Variants in ARHGAP10 observed in about 807,000 individuals in gnomAD.
ARHGAP10 encodes Rho GTPase activating protein 10, also known as rho GTPase-activating protein 10.
In ARHGAP10, 87 loss-of-function variants were observed where a neutral mutation model predicts 108.6. The observed-to-expected ratio is 0.80, with a 90% confidence interval of 0.67 to 0.96. ARHGAP10 has a LOEUF of 0.96. Among genes scored for constraint, ARHGAP10 ranks in the 40% least tolerant of loss-of-function variants. The probability of loss-of-function intolerance (pLI) is 0.00; values close to 1 mark genes in which losing one functional copy is unlikely to be tolerated. For missense variants in ARHGAP10, 939 were observed against 954.5 expected (o/e 0.98, Z 0.21); for synonymous variants, 347 against 341.1 (o/e 1.02, Z -0.19).
intron 10 of ARHGAP10, among the ~76,000 whole-genome samples, chr4:147,897,711 A>T (rs1012272032): frequency 2.3e-4 from 35 of 152,202 alleles, no homozygotes; most frequent in Non-Finnish European, 2.8e-4. Flanking sequence ...TGGGAATTAC[A>T]TAGCATTTGA....
At chr4:148,037,963 T>G (rs1218203813) in intron 19 of ARHGAP10, among the ~76,000 whole-genome samples, 2 of 152,146 alleles carry the variant, frequency 1.3e-5, no homozygotes, top group African/African-American at 4.8e-5. Context: ...CAGATTTAAC[T>G]TTATTTATAT....
intron 19 of ARHGAP10, among the ~76,000 whole-genome samples, chr4:148,043,649 A>ATT (rs1728738703): frequency 8.7e-6 from 1 of 114,516 alleles, no homozygotes; most frequent in Non-Finnish European, 1.8e-5. Context: ...ATATATATAT[A>ATT]TATTTTAGGT....
intron 22 of ARHGAP10, among the ~76,000 whole-genome samples, chr4:148,071,578 C>T (rs755055326): frequency 7.9e-5 from 12 of 151,990 alleles, no homozygotes; most frequent in Non-Finnish European, 1.3e-4. Flanking sequence ...ATCGCGCCAC[C>T]GCACTCCAGC....
intron 3 of ARHGAP10, among the ~76,000 whole-genome samples, chr4:147,841,246 AC>A (rs1204517862): frequency 6.6e-6 from 1 of 152,118 alleles, no homozygotes; most frequent in African/African-American, 2.4e-5. Context: ...GCTATCCAAA[AC>A]CCTTTCCAAG....
intron 19 of ARHGAP10, among the ~76,000 whole-genome samples, chr4:148,041,273 T>G (rs907563894): frequency 1.3e-5 from 2 of 152,246 alleles, no homozygotes; most frequent in African/African-American, 4.8e-5. Flanking sequence ...AGAAACTGTC[T>G]GTGATTTTAT....
intron 1 of ARHGAP10, among the ~76,000 whole-genome samples, chr4:147,771,579 G>T (rs1202321261): frequency 1.3e-5 from 2 of 152,168 alleles, no homozygotes; most frequent in Non-Finnish European, 2.9e-5. Context: ...GTGTTGTGTT[G>T]TTGTGAGGAT....
At position 147,935,583 on chromosome 4, in the gene ARHGAP10, T is replaced by C. The variant is rs569897162; in HGVS notation, c.1229-4242T>C. On this transcript the variant is annotated intron_variant, in intron 13 of 22. Transcript: ENST00000336498. ...TGATCCCTTTGGTTGACAGGGAAAT[T>C]TGGAAAAGAAGCTGGAAAAGGACAT... 1.8e-4 allele frequency among the ~76,000 whole-genome samples: 28 copies of C among 152,306 alleles called. No individual in the cohort carries two copies. In the South Asian group the frequency reaches 2.9e-3, roughly 16 times the overall value.
intron 11 of ARHGAP10, 62 bp downstream of exon 11, chr4:147,906,781 T>A: frequency 6.3e-7 from 1 of 1,585,258 alleles, no homozygotes; most frequent in African/African-American, 1.3e-5. Context: ...GCATTCATTT[T>A]TATGTTATTT....
chr4:148,065,433 A>G (rs1186384365), intron 22 of ARHGAP10: 3 of 152,230 alleles, frequency 2.0e-5, no homozygotes, highest in Non-Finnish European at 4.4e-5. Context: ...TGTACTCTTC[A>G]GAGACAGAGA....
At chr4:147,883,049 T>C (rs889753830) in intron 10 of ARHGAP10, among the ~76,000 whole-genome samples, 1 of 152,162 alleles carries the variant, frequency 6.6e-6, no homozygotes, top group Non-Finnish European at 1.5e-5. Flanking sequence ...GATGATATAG[T>C]TGAGTCTCTG....
chr4:147,848,074 C>G (rs906742599), intron 4 of ARHGAP10, among the ~76,000 whole-genome samples: 1 of 141,762 alleles, frequency 7.1e-6, no homozygotes, highest in Non-Finnish European at 1.5e-5. Context: ...TTTCCCCCCA[C>G]GTGGCTGGGG....
intron 1 of ARHGAP10, among the ~76,000 whole-genome samples, chr4:147,759,402 A>T (rs1729504768): frequency 6.6e-6 from 1 of 152,152 alleles, no homozygotes; most frequent in African/African-American, 2.4e-5. Context: ...TTTTCTAGTA[A>T]CCCCATTAAA....
At chr4:147,859,804 C>A (rs1219165080) in intron 5 of ARHGAP10, among the ~76,000 whole-genome samples, 1 of 152,154 alleles carries the variant, frequency 6.6e-6, no homozygotes, top group African/African-American at 2.4e-5. Context: ...TTATCAGTCC[C>A]AAGGATAATT....
intron 18 of ARHGAP10, among the ~76,000 whole-genome samples, chr4:147,978,371 T>C (rs183668466): frequency 6.6e-6 from 1 of 152,250 alleles, no homozygotes; most frequent in Admixed American, 6.5e-5. Context: ...CCATTCTGAC[T>C]GGTGTGAGAT....
chr4:147,997,313 A>G (rs956088742), intron 18 of ARHGAP10, among the ~76,000 whole-genome samples: 4 of 152,248 alleles, frequency 2.6e-5, no homozygotes, highest in African/African-American at 9.6e-5. Flanking sequence ...TCTAAGAAAG[A>G]GAAGAAATGA....
intron 3 of ARHGAP10, among the ~76,000 whole-genome samples, chr4:147,838,740 G>T (rs1373161323): frequency 1.3e-5 from 2 of 152,140 alleles, no homozygotes; most frequent in Non-Finnish European, 2.9e-5. Context: ...ATGCCTTGTT[G>T]CCCAGGCTAT....
chr4:147,848,863 C>G (rs893999604), intron 4 of ARHGAP10, among the ~76,000 whole-genome samples: 7 of 152,186 alleles, frequency 4.6e-5, no homozygotes, highest in Non-Finnish European at 1.0e-4. Context: ...AAGCAACTTG[C>G]ACAATAAGTA....
intron 10 of ARHGAP10, among the ~76,000 whole-genome samples, chr4:147,905,639 T>G (rs2126907963): frequency 7.0e-6 from 1 of 142,608 alleles, no homozygotes; most frequent in South Asian, 2.5e-4. Context: ...ACTGTAGCCT[T>G]GTAGTATAGT....
intron 18 of ARHGAP10, among the ~76,000 whole-genome samples, chr4:147,973,541 C>G (rs1420495353): frequency 1.3e-5 from 2 of 152,254 alleles, no homozygotes; most frequent in Admixed American, 6.5e-5. Flanking sequence ...TACAAGCAAT[C>G]CAGTTATACT....
Sources: allele counts gnomAD v4.1 joint callset (sites outside exome capture counted in the v4.1 genomes callset), GRCh38; gene constraint gnomAD v4.1.1; transcripts MANE v1.5; gene names NCBI Gene and HGNC (gene_info 2026-07-23, HGNC 2026-07-21).